Variants in RYR2 observed in about 807,000 individuals in gnomAD.
RYR2 encodes cardiac muscle ryanodine receptor-calcium release channel.
In RYR2, 227 loss-of-function variants were observed where a neutral mutation model predicts 601.1. The observed-to-expected ratio is 0.38, with a 90% confidence interval of 0.34 to 0.42. RYR2 has a LOEUF of 0.42. Ranked by LOEUF, RYR2 falls within the 10% of genes least tolerant of loss-of-function variation. The probability of loss-of-function intolerance (pLI) is 1.00; values close to 1 mark genes in which losing one functional copy is unlikely to be tolerated. For synonymous variants in RYR2, 2,223 were observed against 2,175.1 expected, an observed-to-expected ratio of 1.02 and a Z score of -0.61; for missense variants, 4,646 against 6,156.5, an observed-to-expected ratio of 0.75 and a Z score of 8.21.
rs1008000319 is a variant in RYR2, at chr1:237,595,664, G to T, written c.4596+7G>T. The stretch of plus-strand genomic sequence containing the variant: ...ACTGAGCACATACTATCAGGTACGC[G>T]GTCAGTGATGATATCAGTCTTCTAG... On this transcript the variant is annotated splice_region_variant and intron_variant, in intron 34 of 104. Transcript: ENST00000366574. 1.2e-6 allele frequency: 2 copies of T among 1,604,650 alleles called. No individual in the cohort carries two copies. Among genetic ancestry groups the T allele is most frequent in the East Asian group, 2.3e-5 (1 of 44,436 alleles).
intron 1 of RYR2, among the ~76,000 whole-genome samples, chr1:237,255,965 G>C (rs1057099750): frequency 2.0e-5 from 3 of 152,072 alleles, no homozygotes; most frequent in Middle Eastern, 3.4e-3. Flanking sequence ...AAGTCAGCCA[G>C]GTGATTTGGA....
intron 27 of RYR2, among the ~76,000 whole-genome samples, chr1:237,559,954 A>G (rs776053352): frequency 5.3e-5 from 8 of 152,190 alleles, no homozygotes; most frequent in Non-Finnish European, 1.2e-4. Context: ...ACTTCTTTAA[A>G]TGCCTAGGAC....
intron 81 of RYR2, among the ~76,000 whole-genome samples, chr1:237,757,467 T>G (rs942348473): frequency 6.6e-6 from 1 of 152,238 alleles, no homozygotes; most frequent in Non-Finnish European, 1.5e-5. Context: ...CTATATCTTC[T>G]TATGGTTTCA....
intron 3 of RYR2, among the ~76,000 whole-genome samples, chr1:237,333,361 T>C (rs2149579506): frequency 6.6e-6 from 1 of 152,280 alleles, no homozygotes; most frequent in Non-Finnish European, 1.5e-5. Flanking sequence ...TACCCAGAAA[T>C]GATATTCATT....
chr1:237,487,794 G>C (rs1273684321), intron 17 of RYR2, among the ~76,000 whole-genome samples: 2 of 150,354 alleles, frequency 1.3e-5, no homozygotes, highest in African/African-American at 4.9e-5. Context: ...TAATATGCCT[G>C]CATATTTCAG....
At chr1:237,567,742 T>C (rs1268042435) in intron 28 of RYR2, among the ~76,000 whole-genome samples, 2 of 151,708 alleles carry the variant, frequency 1.3e-5, no homozygotes, top group East Asian at 1.9e-4. Context: ...CCTTTTCACA[T>C]GAGGGGGAAA....
At chr1:237,087,357 C>T (rs967790533) in intron 1 of RYR2, among the ~76,000 whole-genome samples, 1 of 144,596 alleles carries the variant, frequency 6.9e-6, no homozygotes, top group Non-Finnish European at 1.5e-5. Flanking sequence ...TCACTTTCCT[C>T]TCCTCCTCCT....
chr1:237,420,015 G>A (rs900928489), intron 11 of RYR2, among the ~76,000 whole-genome samples: 1 of 151,994 alleles, frequency 6.6e-6, no homozygotes, highest in Non-Finnish European at 1.5e-5. Context: ...GGGATACTCG[G>A]TCTTCTCTTT....
At chr1:237,646,121 C>T (rs940555917) in intron 48 of RYR2, among the ~76,000 whole-genome samples, 2 of 152,128 alleles carry the variant, frequency 1.3e-5, no homozygotes, top group African/African-American at 2.4e-5. Flanking sequence ...TCGTGATCGG[C>T]ACATCTCGGC....
At chr1:237,743,035 C>T (rs935914745) in intron 80 of RYR2, among the ~76,000 whole-genome samples, 3 of 152,020 alleles carry the variant, frequency 2.0e-5, no homozygotes, top group East Asian at 1.9e-4. Context: ...TGCTAACTAC[C>T]GCTTTTTTTG....
intron 2 of RYR2, among the ~76,000 whole-genome samples, chr1:237,290,265 CTGTATACCAAATGAT>C (rs1336538861): frequency 6.6e-6 from 1 of 152,134 alleles, no homozygotes; most frequent in African/African-American, 2.4e-5. Context: ...GCACTAAAGA[CTGTATACCAAATGAT>C]TCCATGTATA....
chr1:237,459,993 CAG>C (rs773191526), intron 16 of RYR2, among the ~76,000 whole-genome samples: 1 of 152,140 alleles, frequency 6.6e-6, no homozygotes, highest in Non-Finnish European at 1.5e-5. Flanking sequence ...GCTTCAAAAA[CAG>C]AGGGGATTTT....
intron 29 of RYR2, among the ~76,000 whole-genome samples, chr1:237,570,714 G>A (rs970135251): frequency 2.0e-5 from 3 of 152,136 alleles, no homozygotes; most frequent in Non-Finnish European, 2.9e-5. Context: ...CCCTCAGGTG[G>A]TTAGGGATGC....
At chr1:237,464,951 C>T (rs760322261) in intron 16 of RYR2, among the ~76,000 whole-genome samples, 56 of 152,132 alleles carry the variant, frequency 3.7e-4, no homozygotes, top group Non-Finnish European at 6.5e-4. Flanking sequence ...TTGTATTTCT[C>T]TGCATACTTT....
intron 2 of RYR2, among the ~76,000 whole-genome samples, chr1:237,306,258 C>A (rs1693851525): frequency 6.6e-6 from 1 of 152,098 alleles, no homozygotes; most frequent in Non-Finnish European, 1.5e-5. Context: ...TGTGTTCAGC[C>A]ACAAAATGTA....
rs1558422697 is a variant in RYR2, at chr1:237,791,505, T to C, written c.13553T>C (p.Leu4518Pro). The change falls in exon 93 of 105, where the codon CTC becomes CCC. Residue 4518 changes from leucine to proline, a missense_variant. This residue lies in a region of RYR2 where 364 missense variants were observed against 442.9 expected (regional missense o/e 0.82). Coordinates refer to ENST00000366574, the MANE Select transcript of RYR2 (RefSeq NM_001035.3). ...GCATTTGCTATCAATTTCATCTTGC[T>C]CTTTTATAAGGTACGTACATCTCAC... ...FVAFAINFIL[L>P]FYKVSTSSVV... The C allele has an allele frequency of 6.6e-7, 1 of 1,520,914 alleles. No homozygotes were observed. The highest frequency in any genetic ancestry group is 9.0e-7 in the Non-Finnish European group (1 of 1,110,768). The allele number at this position is 1,520,914 out of a possible 1,614,324, so 94.2% of individuals were successfully genotyped here.
intron 1 of RYR2, among the ~76,000 whole-genome samples, chr1:237,137,781 G>A (rs542457642): frequency 6.6e-5 from 10 of 152,262 alleles, no homozygotes; most frequent in South Asian, 2.1e-4. Flanking sequence ...GATAAGTTGC[G>A]TGGGAAAATA....
intron 17 of RYR2, among the ~76,000 whole-genome samples, chr1:237,483,361 A>C (rs73110419): frequency 0.051 from 7,711 of 152,240 alleles, 339 homozygotes; most frequent in African/African-American, 0.12. Context: ...GCTCTGTTCT[A>C]AATGTCTTAC....
chr1:237,814,166 A>G (rs1241395802), intron 100 of RYR2, among the ~76,000 whole-genome samples: 1 of 152,238 alleles, frequency 6.6e-6, no homozygotes, highest in Non-Finnish European at 1.5e-5. Flanking sequence ...AAAGCCAACA[A>G]AATTTAAAAT....
Sources: allele counts gnomAD v4.1 joint callset (sites outside exome capture counted in the v4.1 genomes callset), GRCh38; gene constraint gnomAD v4.1.1; regional missense constraint gnomAD v4.1.1; transcripts MANE v1.5; gene names NCBI Gene and HGNC (gene_info 2026-07-23, HGNC 2026-07-21).